GABRB1: variants seen among roughly 807,000 people sequenced by gnomAD.
GABRB1 encodes the protein gamma-aminobutyric acid type A receptor subunit beta1.
GABRB1 carries 17 observed loss-of-function variants against 51.6 expected under a neutral mutation model. The ratio of observed to expected loss-of-function variants is 0.33; its 90% CI spans 0.23 to 0.49. GABRB1 has a LOEUF of 0.49. GABRB1 is among the 20% of genes least tolerant of loss of function. GABRB1 has a pLI of 0.99. For synonymous variants in GABRB1, 247 were observed against 218.9 expected (o/e 1.13, Z -1.14); for missense variants, 410 against 600.6 (o/e 0.68, Z 3.32).
chr4:47,304,890 C>T (rs1724388923), intron 4 of GABRB1, among the ~76,000 whole-genome samples: 1 of 152,010 alleles, frequency 6.6e-6, no homozygotes, highest in Admixed American at 6.6e-5. Flanking sequence ...AACAGAAATC[C>T]TCTTGTACCA....
chr4:47,115,961 G>A (rs1715460229), intron 3 of GABRB1, among the ~76,000 whole-genome samples: 1 of 151,946 alleles, frequency 6.6e-6, no homozygotes, highest in African/African-American at 2.4e-5. Context: ...GACCATGTTA[G>A]TCAGGCTATA....
At chr4:47,135,078 C>A (rs762092552) in intron 3 of GABRB1, among the ~76,000 whole-genome samples, 6 of 152,036 alleles carry the variant, frequency 3.9e-5, no homozygotes, top group Non-Finnish European at 8.8e-5. Flanking sequence ...TATGATCACA[C>A]CACTGAACTC....
chr4:47,031,544 G>T, upstream of GABRB1: 2 of 860,816 alleles, frequency 2.3e-6, no homozygotes, highest in Non-Finnish European at 2.0e-6. Context: ...GGTAGTGAGC[G>T]CGCTCTGCGC....
chr4:47,328,028 T>C (rs1315300192), intron 5 of GABRB1, among the ~76,000 whole-genome samples: 1 of 152,174 alleles, frequency 6.6e-6, no homozygotes, highest in African/African-American at 2.4e-5. Flanking sequence ...TGGTGTCTCA[T>C]TGTGGTTTTG....
At chr4:47,019,629 T>TCTCTC (rs1560498125) in intron 1 of GABRB1, among the ~76,000 whole-genome samples, 4 of 29,402 alleles carry the variant, frequency 1.4e-4, no homozygotes, top group Non-Finnish European at 1.4e-4. Flanking sequence ...TTCTCTCTCT[T>TCTCTC]TCTTTCTTTC....
At chr4:47,292,634 T>G (rs2109924370) in intron 4 of GABRB1, among the ~76,000 whole-genome samples, 1 of 152,350 alleles carries the variant, frequency 6.6e-6, no homozygotes, top group South Asian at 2.1e-4. Flanking sequence ...TCTCTGAGTT[T>G]GCTTTGGGGC....
At chr4:47,223,334 G>T (rs1312623456) in intron 4 of GABRB1, among the ~76,000 whole-genome samples, 1 of 151,972 alleles carries the variant, frequency 6.6e-6, no homozygotes, top group Non-Finnish European at 1.5e-5. Context: ...GATGAAAGAT[G>T]TGGCAGTAAA....
At chr4:47,003,685 C>T (rs1458355974) in intron 1 of GABRB1, among the ~76,000 whole-genome samples, 1 of 152,166 alleles carries the variant, frequency 6.6e-6, no homozygotes, top group Non-Finnish European at 1.5e-5. Context: ...GAATGAGGCT[C>T]AGAGAGACGA....
intron 3 of GABRB1, 91 bp downstream of exon 3, chr4:47,032,575 C>T (rs763324589): frequency 3.1e-5 from 39 of 1,270,078 alleles, no homozygotes; most frequent in Non-Finnish European, 4.5e-5. Flanking sequence ...TTGGCGGTCA[C>T]CTCGCCCCTG....
Position 47,072,406 on chromosome 4 carries a change from C to A in GABRB1, c.240+39922C>A, listed in dbSNP as rs564095975. Among the ~76,000 whole-genome samples the A allele has an allele frequency of 4.6e-5, 7 of 152,178 alleles. No homozygotes were observed. The South Asian group carries it at 1.2e-3, about 27-fold the overall frequency. On this transcript the variant is annotated intron_variant, in intron 3 of 8. Coordinates refer to ENST00000295454, the MANE Select transcript of GABRB1 (RefSeq NM_000812.4). ...CTCGCAGCAGGTTATATATTCAAGC[C>A]AAACATGTTTTAGTAGTAATTCTTC...
At chr4:47,098,541 A>G (rs1289493916) in intron 3 of GABRB1, among the ~76,000 whole-genome samples, 1 of 152,128 alleles carries the variant, frequency 6.6e-6, no homozygotes, top group Non-Finnish European at 1.5e-5. Context: ...GTGTATTGAA[A>G]CTGATTTATA....
intron 3 of GABRB1, among the ~76,000 whole-genome samples, chr4:47,088,664 AG>A (rs1728175271): frequency 6.6e-6 from 1 of 152,190 alleles, no homozygotes; most frequent in South Asian, 2.1e-4. Context: ...TTACATAACA[AG>A]GGCTCCGAAG....
intron 5 of GABRB1, among the ~76,000 whole-genome samples, chr4:47,351,813 T>G (rs1394060078): frequency 6.6e-6 from 1 of 152,050 alleles, no homozygotes; most frequent in East Asian, 1.9e-4. Flanking sequence ...CTATCATTGT[T>G]GGACATTTGG....
intron 5 of GABRB1, among the ~76,000 whole-genome samples, chr4:47,328,675 C>T (rs1336818040): frequency 6.6e-6 from 1 of 151,920 alleles, no homozygotes; most frequent in Non-Finnish European, 1.5e-5. Context: ...GGACGAAAAA[C>T]CAAACACCGC....
At chr4:47,248,128 G>A (rs1291189603) in intron 4 of GABRB1, among the ~76,000 whole-genome samples, 1 of 152,012 alleles carries the variant, frequency 6.6e-6, no homozygotes, top group Non-Finnish European at 1.5e-5. Context: ...TCCCCAATCA[G>A]TATTATGTTG....
At chr4:47,210,632 T>G (rs1375821228) in intron 4 of GABRB1, among the ~76,000 whole-genome samples, 1 of 152,316 alleles carries the variant, frequency 6.6e-6, no homozygotes, top group Non-Finnish European at 1.5e-5. Context: ...TATTGATATC[T>G]TCATATAATA....
chr4:47,000,281 T>A (rs2109427453), intron 1 of GABRB1, among the ~76,000 whole-genome samples: 1 of 152,318 alleles, frequency 6.6e-6, no homozygotes, highest in Non-Finnish European at 1.5e-5. Flanking sequence ...ATAATGGGTA[T>A]CTGTGGCAGA....
intron 4 of GABRB1, among the ~76,000 whole-genome samples, chr4:47,217,001 C>T (rs923633028): frequency 2.0e-5 from 3 of 151,826 alleles, no homozygotes; most frequent in Admixed American, 2.0e-4. Flanking sequence ...ACTCATACAA[C>T]AATACACTAT....
rs61459813 is a variant in GABRB1, at chr4:47,337,465, G to A, written c.544+17256G>A. ...TGTGTGCCTCAGTGGGCATAAAGGA[G>A]GGTTTTGGAATCATGGAGGGCTAAG... On this transcript the variant is annotated intron_variant, in intron 5 of 8. Transcript: ENST00000295454. Among the ~76,000 whole-genome samples the A allele has an allele frequency of 9.7e-3, 1,475 of 152,120 alleles. 27 individuals carry two copies. The highest frequency in any genetic ancestry group is 0.034 in the African/African-American group (1,398 of 41,478).
Sources: allele counts gnomAD v4.1 joint callset (sites outside exome capture counted in the v4.1 genomes callset), GRCh38; gene constraint gnomAD v4.1.1; transcripts MANE v1.5; gene names NCBI Gene and HGNC (gene_info 2026-07-23, HGNC 2026-07-21).